PHF3: variants seen among roughly 807,000 people sequenced by gnomAD.
PHF3 encodes the protein PHD finger protein 3.
Under a neutral mutation model 178.4 loss-of-function variants are expected in PHF3, and 41 were observed. The ratio of observed to expected loss-of-function variants is 0.23; its 90% confidence interval spans 0.18 to 0.30. The LOEUF (loss-of-function observed/expected upper bound fraction) is 0.30, where lower values mean the gene tolerates loss of function less well. PHF3 is among the 10% of genes least tolerant of loss of function. The pLI is 1.00. For synonymous variants in PHF3, 842 were observed against 800.5 expected (o/e 1.05, Z -0.88); for missense variants, 2,346 against 2,398.1 (o/e 0.98, Z 0.45).
In PHF3 at chr6:63,720,621, C is replaced by G. The variant is rs1210659365; in HGVS notation, c.*6913C>G. 1 of 1,498,316 alleles carries G rather than the reference C, an allele frequency of 6.7e-7. No individual in the cohort carries two copies. Among genetic ancestry groups the G allele is most frequent in the Non-Finnish European group, 8.9e-7 (1 of 1,121,548 alleles). The allele number at this position is 1,498,316 out of a possible 1,614,324, so 92.8% of individuals were successfully genotyped here. On this transcript the variant is annotated 3_prime_UTR_variant, in exon 16 of 16. Coordinates refer to ENST00000262043, the MANE Select transcript of PHF3 (RefSeq NM_001370348.2). ...TTATGTAACCTCATTTTGTTCATCT[C>G]CATCATAAACATTGTATCCTTCTAA...
In PHF3 at chr6:63,646,683, G is replaced by C. The variant is rs1764796893; in HGVS notation, c.132G>C (p.Ser44=). ...FSASQNVLED[S]LKNMLSDKDP... ...CAAGTCAAAATGTCTTAGAGGACTC[G>C]CTGAAGAACATGCTCAGCGATAAGG... The change falls in exon 2 of 16, where the codon TCG becomes TCC. Residue 44 remains serine (S), a synonymous_variant. Coordinates refer to ENST00000262043, the MANE Select transcript of PHF3 (RefSeq NM_001370348.2). The C allele has an allele frequency of 6.2e-7, 1 of 1,613,646 alleles. No individual in the cohort carries two copies. The highest frequency in any genetic ancestry group is 8.5e-7 in the Non-Finnish European group (1 of 1,179,872).
chr6:63,696,376 G>A (rs1301649527), intron 6 of PHF3, among the ~76,000 whole-genome samples: 1 of 152,180 alleles, frequency 6.6e-6, no homozygotes, highest in African/African-American at 2.4e-5. Context: ...CTTGAGTGCA[G>A]TAGTGCAATA....
chr6:63,674,004 T>G (rs1410499118), intron 2 of PHF3, among the ~76,000 whole-genome samples: 1 of 152,136 alleles, frequency 6.6e-6, no homozygotes, highest in African/African-American at 2.4e-5. Context: ...GGCAGCCGAA[T>G]TCGTTGCTCT....
At position 63,693,850 on chromosome 6, in the gene PHF3, T is replaced by C. The variant is rs140122881; in HGVS notation, c.2497-731T>C. ...CCCTAGATTTTTATGTTGAACTATT[T>C]ATTGAGTTTCTGTTGTGTGGCATAG... On this transcript the variant is annotated intron_variant, in intron 5 of 15. Coordinates refer to ENST00000262043, the MANE Select transcript of PHF3 (RefSeq NM_001370348.2). 7.5e-3 allele frequency among the ~76,000 whole-genome samples: 1,146 copies of C among 152,320 alleles called. 5 individuals carry two copies. The highest frequency in any genetic ancestry group is 0.011 in the Non-Finnish European group (732 of 68,024).
intron 1 of PHF3, 47 bp from the exon 2 acceptor site, chr6:63,646,479 TC>T: frequency 7.2e-7 from 1 of 1,383,660 alleles, no homozygotes; most frequent in Non-Finnish European, 9.7e-7. Flanking sequence ...TAGGTGATTT[TC>T]AATTGATAGC....
intron 2 of PHF3, among the ~76,000 whole-genome samples, chr6:63,650,973 CAT>C (rs1764994608): frequency 6.6e-6 from 1 of 152,106 alleles, no homozygotes; most frequent in African/African-American, 2.4e-5. Context: ...TCCAACTACA[CAT>C]ATAAGTTCAT....
In PHF3 at chr6:63,722,711, A is replaced by T. The variant is rs1179633296; in HGVS notation, c.*9003A>T. The stretch of plus-strand genomic sequence containing the variant: ...CTTTTCTCATCCAGGGATATTCGGC[A>T]TTATGCTACACTACTTCTTCCTCCC... On this transcript the variant is annotated 3_prime_UTR_variant, in exon 16 of 16. Coordinates refer to ENST00000262043, the MANE Select transcript of PHF3 (RefSeq NM_001370348.2). Among the ~76,000 whole-genome samples the T allele has an allele frequency of 6.6e-6, 1 of 152,160 alleles. No homozygotes were observed. The highest frequency in any genetic ancestry group is 6.6e-5 in the Admixed American group (1 of 15,264).
chr6:63,704,790 G>T (rs901368757), intron 11 of PHF3, among the ~76,000 whole-genome samples: 1 of 152,114 alleles, frequency 6.6e-6, no homozygotes, highest in Non-Finnish European at 1.5e-5. Flanking sequence ...TATGGTAAGA[G>T]TATGTTTATC....
In PHF3 at chr6:63,684,216, CTG is replaced by C; in HGVS notation, c.496_497del (p.Val166IlefsTer4). 1 of 1,614,018 alleles carries C rather than the reference CTG, an allele frequency of 6.2e-7. No individual in the cohort carries two copies. Among genetic ancestry groups the C allele is most frequent in the Non-Finnish European group, 8.5e-7 (1 of 1,179,900 alleles). On this transcript the variant is annotated frameshift_variant, in exon 4 of 16. Transcript: ENST00000262043. LOFTEE classifies it high-confidence loss of function. Reference sequence around the variant, plus strand: ...AACACAAAAAAAGCATCTGGGAAGACTGTATCTACTGCTAAAGCAGGAGTGAA... The same window carrying C: ...AACACAAAAAAAGCATCTGGGAAGACTATCTACTGCTAAAGCAGGAGTGAA...
Position 63,698,205 on chromosome 6 carries a change from G to T in PHF3, c.2681-18G>T, listed in dbSNP as rs772892569. On this transcript the variant is annotated intron_variant, in intron 6 of 15. Coordinates refer to ENST00000262043, the MANE Select transcript of PHF3 (RefSeq NM_001370348.2). The stretch of plus-strand genomic sequence containing the variant: ...TTTTAAAAGCAATGTAATGAGTTTC[G>T]ATATTTATTCAAATTAGGTACTCAT... 5 of 1,579,912 alleles carry T rather than the reference G, an allele frequency of 3.2e-6. No individual in the cohort carries two copies. In the African/African-American group the frequency reaches 5.4e-5, roughly 17 times the overall value.
At chr6:63,678,181 C>T (rs909309725) in intron 2 of PHF3, among the ~76,000 whole-genome samples, 7 of 151,488 alleles carry the variant, frequency 4.6e-5, no homozygotes, top group African/African-American at 1.7e-4. Flanking sequence ...CAAGATCGCA[C>T]CACTGCACTC....
Position 63,718,126 on chromosome 6 carries a change from A to T in PHF3, c.*4418A>T, listed in dbSNP as rs2149620526. On this transcript the variant is annotated 3_prime_UTR_variant, in exon 16 of 16. Transcript: ENST00000262043. ...AAGGTGAAAAATATATTTTCAAGTC[A>T]TTTTGATTTATAGGAGAAAAGGCAG... Among the ~76,000 whole-genome samples, 1 of 152,148 alleles carries T rather than the reference A, an allele frequency of 6.6e-6. No homozygotes were observed. The highest frequency in any genetic ancestry group is 6.6e-5 in the Admixed American group (1 of 15,238).
At chr6:63,652,153 T>A (rs946390210) in intron 2 of PHF3, among the ~76,000 whole-genome samples, 14 of 152,160 alleles carry the variant, frequency 9.2e-5, no homozygotes, top group African/African-American at 3.4e-4. Context: ...TTACATTCCC[T>A]CCAAGAGTGT....
At chr6:63,649,243 C>T (rs984104414) in intron 2 of PHF3, among the ~76,000 whole-genome samples, 3 of 151,990 alleles carry the variant, frequency 2.0e-5, no homozygotes, top group African/African-American at 4.8e-5. Context: ...TGTGCTTGGC[C>T]TGGGAAATCT....
At chr6:63,702,433 C>G (rs1407071774) in intron 9 of PHF3, 75 bp from the exon 10 acceptor site, 1 of 976,840 alleles carries the variant, frequency 1.0e-6, no homozygotes, top group Non-Finnish European at 1.5e-6. Flanking sequence ...TTTAGGTAAG[C>G]TCTTATTATT....
chr6:63,678,498 A>G (rs1203570793), intron 2 of PHF3, among the ~76,000 whole-genome samples: 1 of 152,154 alleles, frequency 6.6e-6, no homozygotes, highest in East Asian at 1.9e-4. Context: ...TTTGGAAAAT[A>G]GGAAAAAGGT....
intron 2 of PHF3, among the ~76,000 whole-genome samples, chr6:63,675,472 GAAA>G (rs764412033): frequency 6.6e-6 from 1 of 152,168 alleles, no homozygotes; most frequent in Non-Finnish European, 1.5e-5. Context: ...TAGGTGGGAA[GAAA>G]AAACATACTG....
rs1289397963 is a variant in PHF3 at position 63,719,295 on chromosome 6, T to A, written c.*5587T>A. On this transcript the variant is annotated 3_prime_UTR_variant, in exon 16 of 16. Coordinates refer to ENST00000262043, the MANE Select transcript of PHF3 (RefSeq NM_001370348.2). ...TCGTTACTTTGTATAGACTGGAATCTGCACAGAAATGTGTATTCATCAGCC... is the reference window on the plus strand; with the variant it reads ...TCGTTACTTTGTATAGACTGGAATCAGCACAGAAATGTGTATTCATCAGCC... Among the ~76,000 whole-genome samples, 2 of 152,140 alleles carry A rather than the reference T, an allele frequency of 1.3e-5. No homozygotes were observed. Among genetic ancestry groups the A allele is most frequent in the Non-Finnish European group, 2.9e-5 (2 of 67,974 alleles).
Position 63,712,852 on chromosome 6 carries a change from G to A in PHF3, c.5264G>A (p.Arg1755Gln), listed in dbSNP as rs370127570. The part of the protein sequence containing the change: ...MQNIETVHPF[R>Q]RGSAVATSHF... ...AATATTGAAACTGTGCACCCATTTC[G>A]AAGAGGATCAGCAGTAGCGACATCT... Residue 1755 changes from arginine (R) to glutamine (Q), a missense_variant, in exon 16 of 16, where the codon CGA becomes CAA. Physicochemically the swap from Arg to Gln is conservative, Grantham distance 43. Around this residue, in one of 8 missense-constraint regions of PHF3, gnomAD observed 839 missense variants for 806.9 expected, o/e 1.04. Coordinates refer to ENST00000262043, the MANE Select transcript of PHF3 (RefSeq NM_001370348.2). 45 of 1,613,886 alleles carry A rather than the reference G, an allele frequency of 2.8e-5. No individual in the cohort carries two copies. The highest frequency in any genetic ancestry group is 5.0e-5 in the Admixed American group (3 of 59,978).
Sources: gnomAD v4.1 joint callset for allele counts (sites outside exome capture counted in the v4.1 genomes callset) on GRCh38, gnomAD v4.1.1 for gene constraint, gnomAD v4.1.1 regional missense constraint, MANE v1.5 for transcripts, NCBI Gene and HGNC (gene_info 2026-07-23, HGNC 2026-07-21) for gene names.